The following THSD4 variants were observed in gnomAD, a reference collection of about 807,000 sequenced individuals.
THSD4 encodes the protein thrombospondin type 1 domain containing 4.
Under a neutral mutation model 119.0 loss-of-function variants are expected in THSD4, and 69 were observed. That is an observed-to-expected ratio of 0.58 (90% CI 0.48 to 0.71). The LOEUF (loss-of-function observed/expected upper bound fraction) is 0.71. Ranked by LOEUF, THSD4 falls within the 30% of genes least tolerant of loss-of-function variation. The pLI, the probability that THSD4 is intolerant of heterozygous loss-of-function variation, is 0.00. For missense variants in THSD4, 1,393 were observed against 1,391.1 expected, an observed-to-expected ratio of 1.00 and a Z score of -0.02; for synonymous variants, 524 against 540.4, an observed-to-expected ratio of 0.97 and a Z score of 0.42.
chr15:71,461,633 G>GTCCTTTAAAAGCATTAT (rs1296905942), intron 7 of THSD4, among the ~76,000 whole-genome samples: 2 of 152,122 alleles, frequency 1.3e-5, no homozygotes, highest in Non-Finnish European at 2.9e-5. Context: ...AATATATGTA[G>GTCCTTTAAAAGCATTAT]TCCTTTAAAA....
chr15:71,405,461 T>A (rs78333675), intron 6 of THSD4, among the ~76,000 whole-genome samples: 2,320 of 152,294 alleles, frequency 0.015, 70 homozygotes, highest in African/African-American at 0.053. Context: ...TTTTCCCTAA[T>A]GAATTGTCTT....
intron 7 of THSD4, among the ~76,000 whole-genome samples, chr15:71,429,988 T>C (rs1006892530): frequency 6.6e-6 from 1 of 152,180 alleles, no homozygotes; most frequent in Non-Finnish European, 1.5e-5. Context: ...ATAAACTAGT[T>C]TCTTTTAGAG....
intron 7 of THSD4, among the ~76,000 whole-genome samples, chr15:71,526,918 G>A (rs2048529412): frequency 6.6e-6 from 1 of 152,210 alleles, no homozygotes; most frequent in Non-Finnish European, 1.5e-5. Flanking sequence ...AAGAGGCACA[G>A]TGTCATGTCA....
chr15:71,279,587 G>A (rs1484424853), intron 6 of THSD4, among the ~76,000 whole-genome samples: 1 of 152,156 alleles, frequency 6.6e-6, no homozygotes, highest in African/African-American at 2.4e-5. Context: ...GGGAAGTGTG[G>A]AGGGTGCCTG....
upstream of THSD4, among the ~76,000 whole-genome samples, chr15:71,112,628 C>T (rs892402840): frequency 6.6e-5 from 10 of 152,138 alleles, no homozygotes; most frequent in Non-Finnish European, 1.5e-5. Context: ...ACTGACATGC[C>T]AGGCAGGCCC....
At chr15:71,361,825 C>G (rs2045895117) in intron 6 of THSD4, among the ~76,000 whole-genome samples, 1 of 152,164 alleles carries the variant, frequency 6.6e-6, no homozygotes, top group Admixed American at 6.5e-5. Flanking sequence ...GAAAATGAGA[C>G]TTTGTGTATG....
chr15:71,673,997 C>A (rs564363844), intron 8 of THSD4, among the ~76,000 whole-genome samples: 1 of 152,282 alleles, frequency 6.6e-6, no homozygotes, highest in South Asian at 2.1e-4. Flanking sequence ...GGCTTTTGCA[C>A]CCAACTGTCT....
intron 7 of THSD4, among the ~76,000 whole-genome samples, chr15:71,516,420 G>A (rs1180334249): frequency 6.6e-6 from 1 of 151,932 alleles, no homozygotes; most frequent in Non-Finnish European, 1.5e-5. Context: ...CTGCTTCCTT[G>A]GCAGATCTTC....
chr15:71,115,843 CG>C lies in THSD4; in HGVS notation c.-80+148del, dbSNP rs1263660781. The stretch of plus-strand genomic sequence containing the variant: ...CCCAGTGGGTGTGTCCGGGGCGCCG[CG>C]GGCTGCGCCGCTCCGGGCTCGGGGA... On this transcript the variant is annotated intron_variant, in intron 1 of 17. Coordinates refer to ENST00000261862, the MANE Select transcript of THSD4 (RefSeq NM_024817.3). The surrounding 1 kb of genome is among the most constrained non-coding windows in gnomAD (Gnocchi z 4.4). The C allele has an allele frequency of 7.5e-4, 114 of 151,748 alleles. 1 individual carries two copies. The highest frequency in any genetic ancestry group is 2.7e-3 in the African/African-American group (111 of 41,488). The allele number at this position is 151,748 out of a possible 1,614,324, so 9.4% of individuals were successfully genotyped here.
At chr15:71,524,058 T>C (rs2048480207) in intron 7 of THSD4, among the ~76,000 whole-genome samples, 1 of 152,224 alleles carries the variant, frequency 6.6e-6, no homozygotes, top group Non-Finnish European at 1.5e-5. Flanking sequence ...GCCTGCTTTA[T>C]CTAGATTATC....
intron 7 of THSD4, among the ~76,000 whole-genome samples, chr15:71,635,995 G>C (rs2050731592): frequency 6.6e-6 from 1 of 152,198 alleles, no homozygotes; most frequent in African/African-American, 2.4e-5. Context: ...CTGCCATGAA[G>C]TTCCTGTTCA....
At chr15:71,492,925 T>G (rs1189252154) in intron 7 of THSD4, among the ~76,000 whole-genome samples, 1 of 151,592 alleles carries the variant, frequency 6.6e-6, no homozygotes, top group Non-Finnish European at 1.5e-5. Flanking sequence ...TATAATGAAC[T>G]GTTGAAAAAG....
intron 7 of THSD4, among the ~76,000 whole-genome samples, chr15:71,498,070 G>A (rs933337967): frequency 6.6e-6 from 1 of 152,180 alleles, no homozygotes; most frequent in South Asian, 2.1e-4. Context: ...GCCAGCATGC[G>A]TTGGTGATAG....
intron 7 of THSD4, among the ~76,000 whole-genome samples, chr15:71,626,796 GTTA>G (rs1567069399): frequency 6.6e-6 from 1 of 152,086 alleles, no homozygotes; most frequent in Non-Finnish European, 1.5e-5. Flanking sequence ...GCATTGACGT[GTTA>G]TTTTCTCTGC....
chr15:71,495,672 T>A (rs1334737946), intron 7 of THSD4, among the ~76,000 whole-genome samples: 1 of 152,184 alleles, frequency 6.6e-6, no homozygotes, highest in African/African-American at 2.4e-5. Flanking sequence ...AATATTATTA[T>A]CTTTGTAACA....
At chr15:71,377,173 A>T (rs1273551697) in intron 6 of THSD4, among the ~76,000 whole-genome samples, 1 of 152,246 alleles carries the variant, frequency 6.6e-6, no homozygotes, top group Non-Finnish European at 1.5e-5. Flanking sequence ...AGAAGAGTCA[A>T]GGTGACTGGA....
intron 7 of THSD4, among the ~76,000 whole-genome samples, chr15:71,425,080 A>C (rs1265589365): frequency 6.6e-6 from 1 of 152,160 alleles, no homozygotes; most frequent in African/African-American, 2.4e-5. Context: ...AAAAAAAAAT[A>C]GCTGCTTTGA....
At chr15:71,340,824 T>C (rs2140388264) in intron 6 of THSD4, among the ~76,000 whole-genome samples, 1 of 152,216 alleles carries the variant, frequency 6.6e-6, no homozygotes, top group South Asian at 2.1e-4. Flanking sequence ...AGTCTTGAAC[T>C]CTTGAGCTCA....
At chr15:71,519,425 G>A (rs1486974474) in intron 7 of THSD4, among the ~76,000 whole-genome samples, 1 of 151,258 alleles carries the variant, frequency 6.6e-6, no homozygotes, top group African/African-American at 2.4e-5. Flanking sequence ...GCAGTGGTGT[G>A]ATCTCGGCTC....
Sources: allele counts gnomAD v4.1 joint callset (sites outside exome capture counted in the v4.1 genomes callset), GRCh38; gene constraint gnomAD v4.1.1; non-coding constraint Gnocchi (gnomAD v3.1); transcripts MANE v1.5; gene names NCBI Gene and HGNC (gene_info 2026-07-23, HGNC 2026-07-21).